Variants in FBXO11 observed in about 807,000 individuals in gnomAD.
FBXO11 encodes F-box only protein 11.
A neutral mutation model predicts 117.0 loss-of-function variants in FBXO11; 13 were observed. The ratio of observed to expected loss-of-function variants is 0.11; its 90% CI spans 0.07 to 0.18. The LOEUF (loss-of-function observed/expected upper bound fraction) is 0.18. Ranked by LOEUF, FBXO11 falls within the 10% of genes least tolerant of loss-of-function variation. The pLI, the probability that FBXO11 is intolerant of heterozygous loss-of-function variation, is 1.00. For missense variants in FBXO11, 767 were observed against 1,164.4 expected (o/e 0.66, Z 4.97); for synonymous variants, 490 against 380.5 (o/e 1.29, Z -3.35).
intron 1 of FBXO11, among the ~76,000 whole-genome samples, chr2:47,844,035 C>A (rs1217689870): frequency 3.3e-5 from 5 of 152,208 alleles, no homozygotes; most frequent in African/African-American, 1.2e-4. Context: ...GCCACTGTGC[C>A]TGGCCTAGAT....
At chr2:47,813,705 T>A in intron 17 of FBXO11, 86 bp downstream of exon 17, 1 of 1,125,886 alleles carries the variant, frequency 8.9e-7, no homozygotes, top group South Asian at 1.3e-5. Flanking sequence ...AGTGCTGGGA[T>A]TACAGGCGTG....
rs1671519226 is a variant in FBXO11 at position 47,823,380 on chromosome 2, A to C, written c.1399-20T>G. On this transcript the variant is annotated intron_variant, in intron 11 of 22. Transcript: ENST00000403359. ...GTAACCCTGAAAAATACAGAAATTA[A>C]ATCTGTAGGTAAAGCCTACTTTACA... 6.5e-7 allele frequency: 1 copy of C among 1,533,274 alleles called. No homozygotes were observed. Among genetic ancestry groups the C allele is most frequent in the African/African-American group, 1.4e-5 (1 of 72,806 alleles). The allele number at this position is 1,533,274 out of a possible 1,614,324, so 95.0% of individuals were successfully genotyped here. A position where few individuals can be genotyped will look rare whatever the true frequency, so the allele number is the denominator to read the frequency against.
Position 47,878,572 on chromosome 2 carries a change from G to C in FBXO11, c.232+26917C>G, listed in dbSNP as rs532185911. On this transcript the variant is annotated intron_variant, in intron 1 of 22. Transcript: ENST00000403359. ...GGGTTTCACCATGTTGGCCAGGTTG[G>C]TCTTGAACTCCTGACCTCGAACTCC... Among the ~76,000 whole-genome samples the C allele has an allele frequency of 1.6e-4, 24 of 151,978 alleles. No individual in the cohort carries two copies. The South Asian group carries it at 3.7e-3, about 24-fold the overall frequency.
At chr2:47,858,187 C>G (rs917690102) in intron 1 of FBXO11, among the ~76,000 whole-genome samples, 3 of 151,830 alleles carry the variant, frequency 2.0e-5, no homozygotes, top group Non-Finnish European at 2.9e-5. Flanking sequence ...TTCACTGCAA[C>G]CTCTGTCTCC....
chr2:47,812,444 G>A (rs1233411292), intron 18 of FBXO11, among the ~76,000 whole-genome samples: 1 of 152,100 alleles, frequency 6.6e-6, no homozygotes, highest in African/African-American at 2.4e-5. Context: ...TCAACACCTT[G>A]CAAATAAACC....
chr2:47,861,666 A>G (rs1674788069), intron 1 of FBXO11, among the ~76,000 whole-genome samples: 1 of 152,102 alleles, frequency 6.6e-6, no homozygotes, highest in Non-Finnish European at 1.5e-5. Flanking sequence ...GTCCAAGCCA[A>G]TGTGGCCCAA....
chr2:47,818,420 A>T (rs370724973), intron 16 of FBXO11: 1 of 182,268 alleles, frequency 5.5e-6, no homozygotes, highest in Non-Finnish European at 1.1e-5. Flanking sequence ...AAATAGCATA[A>T]AACAGAAGCT....
At chr2:47,810,677 G>A (rs1022165055) in intron 18 of FBXO11, 2 of 351,292 alleles carry the variant, frequency 5.7e-6, no homozygotes, top group Non-Finnish European at 1.0e-5. Context: ...CCATGTCTAA[G>A]TTTACTCAGC....
intron 11 of FBXO11, among the ~76,000 whole-genome samples, chr2:47,831,358 T>C (rs1046011109): frequency 7.2e-6 from 1 of 139,846 alleles, no homozygotes; most frequent in African/African-American, 2.7e-5. Flanking sequence ...GAGGTTGCAG[T>C]GAGCCAAGAT....
intron 1 of FBXO11, chr2:47,888,646 G>A (rs2103963776): frequency 6.1e-6 from 6 of 979,362 alleles, no homozygotes; most frequent in African/African-American, 1.7e-5. Context: ...GTTCTTCTTT[G>A]GAATAACACT....
At chr2:47,867,490 G>C (rs1312041198) in intron 1 of FBXO11, among the ~76,000 whole-genome samples, 3 of 152,226 alleles carry the variant, frequency 2.0e-5, no homozygotes, top group Non-Finnish European at 4.4e-5. Flanking sequence ...GGGTCAGGAA[G>C]TGCCAGATGG....
At chr2:47,829,358 A>G (rs1206737989) in intron 11 of FBXO11, among the ~76,000 whole-genome samples, 2 of 152,008 alleles carry the variant, frequency 1.3e-5, no homozygotes, top group African/African-American at 4.8e-5. Context: ...CTCTTGCCTT[A>G]GCCTCTCGAG....
intron 1 of FBXO11, among the ~76,000 whole-genome samples, chr2:47,870,698 T>C (rs903953783): frequency 5.3e-5 from 8 of 152,136 alleles, no homozygotes; most frequent in African/African-American, 1.9e-4. Flanking sequence ...GAGAATAAAT[T>C]TCTGTTGTTT....
At chr2:47,819,685 C>T (rs1203445559) in intron 14 of FBXO11, among the ~76,000 whole-genome samples, 1 of 152,186 alleles carries the variant, frequency 6.6e-6, no homozygotes, top group Non-Finnish European at 1.5e-5. Flanking sequence ...GACGACCTCT[C>T]ATTTAGTAAT....
intron 1 of FBXO11, among the ~76,000 whole-genome samples, chr2:47,864,418 T>G (rs1291400616): frequency 1.3e-5 from 2 of 152,032 alleles, no homozygotes; most frequent in Non-Finnish European, 2.9e-5. Flanking sequence ...CAAAACCCCA[T>G]CTCTACTAAA....
In FBXO11 at chr2:47,807,854, T is replaced by C; in HGVS notation, c.*264A>G. The C allele has an allele frequency of 2.9e-6, 1 of 342,840 alleles. No homozygotes were observed. The highest frequency in any genetic ancestry group is 5.4e-6 in the Non-Finnish European group (1 of 186,234). The allele number at this position is 342,840 out of a possible 1,614,324, so 21.2% of individuals were successfully genotyped here. ...CCAGCTTTTCAGAAGTTGGTATCTG[T>C]ACAAAATTGCAGCTTATTTTCTTCA... is the stretch of plus-strand genomic sequence containing the variant. On this transcript the variant is annotated 3_prime_UTR_variant, in exon 23 of 23. Transcript: ENST00000403359.
chr2:47,831,204 G>GC (rs1402799722), intron 11 of FBXO11, among the ~76,000 whole-genome samples: 1 of 151,806 alleles, frequency 6.6e-6, no homozygotes, highest in African/African-American at 2.4e-5. Flanking sequence ...ATCACTTGAG[G>GC]CCAGGAGTTC....
chr2:47,874,776 C>T lies in FBXO11; in HGVS notation c.232+30713G>A, dbSNP rs1572886469. 2.0e-5 allele frequency among the ~76,000 whole-genome samples: 3 copies of T among 152,174 alleles called. No individual in the cohort carries two copies. The South Asian group carries it at 6.2e-4, about 32-fold the overall frequency. ...TCTCTAACTCCTGGCCTCAAGCGATCCACCCGCCTCAGCCTCCCAAAGTGC... is the reference window on the plus strand; with the variant it reads ...TCTCTAACTCCTGGCCTCAAGCGATTCACCCGCCTCAGCCTCCCAAAGTGC... On this transcript the variant is annotated intron_variant, in intron 1 of 22. Transcript: ENST00000403359.
rs759123792 is a variant in FBXO11 at position 47,820,374 on chromosome 2, A to G, written c.1785T>C (p.Gly595=). 9 of 1,613,558 alleles carry G rather than the reference A, an allele frequency of 5.6e-6. No homozygotes were observed. In the Admixed American group the frequency reaches 8.3e-5, roughly 15 times the overall value. ...RHNKIHDGQH[G]GIYVHEKGQG... is the part of the protein sequence containing the mutation. ...TACATTAACTTACCACATAAATCCC[A>G]CCATGCTGGCCATCATGAATTTTGT... The change falls in exon 14 of 23, where the codon GGT becomes GGC. Residue 595 remains glycine, a synonymous_variant. Transcript: ENST00000403359.
Sources: allele counts gnomAD v4.1 joint callset (sites outside exome capture counted in the v4.1 genomes callset), GRCh38; gene constraint gnomAD v4.1.1; transcripts MANE v1.5; gene names NCBI Gene and HGNC (gene_info 2026-07-23, HGNC 2026-07-21).